Variants in WDFY3 observed in about 807,000 individuals in gnomAD.
WDFY3 encodes WD repeat and FYVE domain-containing protein 3.
A neutral mutation model predicts 409.6 loss-of-function variants in WDFY3; 66 were observed. The observed-to-expected ratio is 0.16, with a 90% CI of 0.13 to 0.20. WDFY3 has a LOEUF of 0.20. WDFY3 is among the 10% of genes least tolerant of loss of function. The pLI is 1.00. For missense variants in WDFY3, 3,031 were observed against 4,298.1 expected, an observed-to-expected ratio of 0.71 and a Z score of 8.24; for synonymous variants, 1,521 against 1,537.1, an observed-to-expected ratio of 0.99 and a Z score of 0.25.
At chr4:84,689,814 C>T (rs188682290) in intron 61 of WDFY3, among the ~76,000 whole-genome samples, 7 of 152,176 alleles carry the variant, frequency 4.6e-5, no homozygotes, top group Middle Eastern at 3.4e-3. Context: ...ACACAGTCCC[C>T]TGAAATAGAG....
At position 84,810,355 on chromosome 4, in the gene WDFY3, CA is replaced by C. The variant is rs1455996926; in HGVS notation, c.1888-12del. The stretch of plus-strand genomic sequence containing the variant: ...GACCGACAGGAGGGCCTACAGGAGA[CA>C]AAAGAAAAAACAAATGAAAATACAC... On this transcript the variant is annotated splice_polypyrimidine_tract_variant and intron_variant, in intron 13 of 67. Coordinates refer to ENST00000295888, the MANE Select transcript of WDFY3 (RefSeq NM_014991.6). The C allele has an allele frequency of 7.7e-6, 7 of 911,838 alleles. No individual in the cohort carries two copies. Among genetic ancestry groups the C allele is most frequent in the Non-Finnish European group, 1.0e-5 (7 of 695,174 alleles). 56.5% of individuals were successfully genotyped at this position (911,838 alleles called of 1,614,324 possible).
chr4:84,881,712 C>T (rs964133295), intron 3 of WDFY3, among the ~76,000 whole-genome samples: 2 of 151,702 alleles, frequency 1.3e-5, no homozygotes, highest in Admixed American at 6.6e-5. Context: ...CATAACAAGA[C>T]CCCGCCTCTA....
rs765823587 is a variant in WDFY3, at chr4:84,810,313, C to G, written c.1919G>C (p.Arg640Pro). The change falls in exon 14 of 68, where the codon CGT becomes CCT. Residue 640 changes from arginine (R) to proline (P), a missense_variant. Coordinates refer to ENST00000295888, the MANE Select transcript of WDFY3 (RefSeq NM_014991.6). ...AACTTTCCTAAAAACTGTTCTTGAA[C>G]GATGGCTTTCTCGAAGGACCGACAG... ...ALLSVLRESH[R>P]SRTVFRKVGG... 1 of 1,609,712 alleles carries G rather than the reference C, an allele frequency of 6.2e-7. No homozygotes were observed.
chr4:84,892,254 T>C (rs920508757), intron 3 of WDFY3, among the ~76,000 whole-genome samples: 3 of 151,892 alleles, frequency 2.0e-5, no homozygotes, highest in African/African-American at 7.3e-5. Context: ...ATTTTTAAGT[T>C]ATTCTTTAAC....
At chr4:84,943,887 C>CTT (rs1772466731) in intron 1 of WDFY3, among the ~76,000 whole-genome samples, 1 of 152,128 alleles carries the variant, frequency 6.6e-6, no homozygotes, top group Non-Finnish European at 1.5e-5. Flanking sequence ...GACATAAAGT[C>CTT]TAAAATTAGC....
In WDFY3 at chr4:84,794,646, G is replaced by A. The variant is rs368619262; in HGVS notation, c.3360C>T (p.Val1120=). 1.2e-6 allele frequency: 2 copies of A among 1,614,010 alleles called. No homozygotes were observed. Among genetic ancestry groups the A allele is most frequent in the Non-Finnish European group, 1.7e-6 (2 of 1,180,020 alleles). The part of the protein sequence containing the change: ...HFSSPPNNHP[V]RLLTVVRRAN... ...CTCGGCGCACAACAGTAAGAAGTCT[G>A]ACAGGGTGGTTATTTGGAGGAGAAC... The change falls in exon 21 of 68, where the codon GTC becomes GTT. Residue 1120 remains valine, a synonymous_variant. Transcript: ENST00000295888.
At chr4:84,900,987 A>G (rs934773789) in intron 2 of WDFY3, among the ~76,000 whole-genome samples, 1 of 152,182 alleles carries the variant, frequency 6.6e-6, no homozygotes, top group Non-Finnish European at 1.5e-5. Flanking sequence ...GATCAAGGCA[A>G]TGGCCGGTTC....
At chr4:84,743,640 T>G in intron 37 of WDFY3, 60 bp downstream of exon 37, 1 of 1,345,520 alleles carries the variant, frequency 7.4e-7, no homozygotes, top group Non-Finnish European at 9.9e-7. Flanking sequence ...GTAGTTTTAC[T>G]TGGGGCTTAG....
At position 84,743,883 on chromosome 4, in the gene WDFY3, T is replaced by C. The variant is rs993873899; in HGVS notation, c.5974-84A>G. 3 of 795,314 alleles carry C rather than the reference T, an allele frequency of 3.8e-6. No homozygotes were observed. The African/African-American group carries it at 5.4e-5, about 14-fold the overall frequency. 49.3% of individuals were successfully genotyped at this position (795,314 alleles called of 1,614,324 possible). A position where few individuals can be genotyped will look rare whatever the true frequency, so the allele number is the denominator to read the frequency against. On this transcript the variant is annotated intron_variant, in intron 36 of 67. Transcript: ENST00000295888. ...ACCACATTTACATTACCTAATATAT[T>C]AAAAAGATTAAAAAATTCTACTAAT...
At position 84,744,266 on chromosome 4, in the gene WDFY3, A is replaced by G. The variant is rs894524391; in HGVS notation, c.5974-467T>C. Among the ~76,000 whole-genome samples, 84 of 151,946 alleles carry G rather than the reference A, an allele frequency of 5.5e-4. 1 individual carries two copies. The highest frequency in any genetic ancestry group is 2.0e-3 in the African/African-American group (83 of 41,520). ...ACAATGAAATACAGGTAAAATAAAT[A>G]ACAAATGAATTATAAAGCCATTAAA... On this transcript the variant is annotated intron_variant, in intron 36 of 67. Coordinates refer to ENST00000295888, the MANE Select transcript of WDFY3 (RefSeq NM_014991.6).
chr4:84,762,352 C>T (rs925545446), intron 32 of WDFY3, among the ~76,000 whole-genome samples: 1 of 151,268 alleles, frequency 6.6e-6, no homozygotes, highest in Non-Finnish European at 1.5e-5. Flanking sequence ...TCTCAGTAAA[C>T]TATCGCAAGA....
intron 2 of WDFY3, among the ~76,000 whole-genome samples, chr4:84,899,916 T>C (rs1175611419): frequency 6.6e-6 from 1 of 152,062 alleles, no homozygotes; most frequent in Non-Finnish European, 1.5e-5. Flanking sequence ...CCAGATGTGG[T>C]GGCGTGCTTG....
At chr4:84,906,324 G>C (rs1767040090) in intron 2 of WDFY3, among the ~76,000 whole-genome samples, 1 of 152,132 alleles carries the variant, frequency 6.6e-6, no homozygotes, top group South Asian at 2.1e-4. Context: ...AAGCAGTGAA[G>C]TTTGTGTCAG....
In WDFY3 at chr4:84,715,235, GAA is replaced by G. The variant is rs1020009659; in HGVS notation, c.7961+61_7961+62del. On this transcript the variant is annotated intron_variant, in intron 50 of 67. Coordinates refer to ENST00000295888, the MANE Select transcript of WDFY3 (RefSeq NM_014991.6). ...GATTTTTAAAAACCAGCAAAACTGA[GAA>G]AAGATTCCCCCTCCCATATCTTCCC... The G allele has an allele frequency of 7.8e-6, 7 of 895,968 alleles. No homozygotes were observed. The African/African-American group carries it at 1.2e-4, about 15-fold the overall frequency. The allele number at this position is 895,968 out of a possible 1,614,324, so 55.5% of individuals were successfully genotyped here.
intron 48 of WDFY3, among the ~76,000 whole-genome samples, chr4:84,717,480 T>A (rs942453063): frequency 1.3e-5 from 2 of 152,200 alleles, no homozygotes; most frequent in Non-Finnish European, 2.9e-5. Flanking sequence ...TTGACAGTAA[T>A]TATTTGAAAT....
chr4:84,906,336 T>C (rs2150688320), intron 2 of WDFY3, among the ~76,000 whole-genome samples: 1 of 152,326 alleles, frequency 6.6e-6, no homozygotes. Flanking sequence ...TTGTGTCAGA[T>C]TCATTTTATA....
rs571610822 is a variant in WDFY3, at chr4:84,877,402, G to C, written c.-31-16780C>G. 8.5e-5 allele frequency among the ~76,000 whole-genome samples: 13 copies of C among 152,090 alleles called. 1 individual carries two copies. The highest frequency in any genetic ancestry group is 6.5e-4 in the Admixed American group (10 of 15,284). ...AGGCTGGAGTGCAGTTACATGATCA[G>C]GGCTCATTGCAGCCTCCATCTCCTG... On this transcript the variant is annotated intron_variant, in intron 3 of 67. Transcript: ENST00000295888.
Position 84,801,742 on chromosome 4 carries a change from A to G in WDFY3, c.2730T>C (p.Ala910=). ...LHARLLQRCS[A]ALADEDHSLH... ...GTGAGTGGTCCTCATCAGCCAATGC[A>G]GCACTGCACCTCTGCAGCAGTCGTG... is the stretch of plus-strand genomic sequence containing the variant. Residue 910 remains alanine, a synonymous_variant, in exon 17 of 68, where the codon GCT becomes GCC. Transcript: ENST00000295888. The G allele has an allele frequency of 1.2e-5, 19 of 1,613,846 alleles. No homozygotes were observed. The highest frequency in any genetic ancestry group is 1.5e-5 in the Non-Finnish European group (18 of 1,179,992).
In WDFY3 at chr4:84,850,333, G is replaced by T. The variant is rs569287682; in HGVS notation, c.181-308C>A. On this transcript the variant is annotated intron_variant, in intron 4 of 67. Transcript: ENST00000295888. ...GAAATTATAACGTTTCTTTTTTTTT[G>T]GGGGGGACAGATTCTCACTCTGTCG... 9.7e-3 allele frequency among the ~76,000 whole-genome samples: 1,450 copies of T among 148,960 alleles called. 33 individuals carry two copies. The highest frequency in any genetic ancestry group is 0.034 in the African/African-American group (1,358 of 40,490).
Sources: allele counts gnomAD v4.1 joint callset (sites outside exome capture counted in the v4.1 genomes callset), GRCh38; gene constraint gnomAD v4.1.1; transcripts MANE v1.5; gene names NCBI Gene and HGNC (gene_info 2026-07-23, HGNC 2026-07-21).